Variants in GLIS3 observed in about 807,000 individuals in gnomAD.
The protein encoded by GLIS3 is zinc finger protein GLIS3.
In GLIS3, 53 loss-of-function variants were observed where a neutral mutation model predicts 78.6. That is an observed-to-expected ratio of 0.67 (90% CI 0.54 to 0.85). The LOEUF (loss-of-function observed/expected upper bound fraction) is 0.85. Ranked by LOEUF, GLIS3 falls within the 40% of genes least tolerant of loss-of-function variation. The pLI is 0.00. For missense variants in GLIS3, 1,703 were observed against 1,231.1 expected, an observed-to-expected ratio of 1.38 and a Z score of -5.74; for synonymous variants, 684 against 509.9, an observed-to-expected ratio of 1.34 and a Z score of -4.60.
the GLIS3 span, among the ~76,000 whole-genome samples, chr9:4,467,680 G>T: frequency 2.6e-5 from 4 of 152,152 alleles, no homozygotes; most frequent in Non-Finnish European, 5.9e-5. Flanking sequence ...AAGATGGGGA[G>T]AAACCAAAAC....
At chr9:3,838,021 G>A (rs1487262930) in intron 9 of GLIS3, among the ~76,000 whole-genome samples, 1 of 151,570 alleles carries the variant, frequency 6.6e-6, no homozygotes, top group Admixed American at 6.6e-5. Flanking sequence ...GGGTGTGTGG[G>A]AACTCCCTGC....
the GLIS3 span, among the ~76,000 whole-genome samples, chr9:4,382,777 T>G: frequency 2.0e-5 from 3 of 152,210 alleles, no homozygotes; most frequent in Admixed American, 2.0e-4. Flanking sequence ...TCAGGGCCTT[T>G]CCATTTCTCA....
Position 3,953,795 on chromosome 9 carries a change from C to CTCTCTATATATA in GLIS3, c.1711-16607_1711-16606insTATATATAGAGA, listed in dbSNP as rs1403671770. Among the ~76,000 whole-genome samples, 33 of 73,288 alleles carry CTCTCTATATATA rather than the reference C, an allele frequency of 4.5e-4. No homozygotes were observed. The Admixed American group carries it at 4.6e-3, about 10-fold the overall frequency. The allele number at this position is 73,288 out of a possible 152,430, so 48.1% of individuals were successfully genotyped here. ...TCTCTCTCTCTCTCTCTCTCTCTCT[C>CTCTCTATATATA]TATATATATATATATATATATATAT... is the stretch of plus-strand genomic sequence containing the variant. On this transcript the variant is annotated intron_variant, in intron 4 of 10. Transcript: ENST00000381971.
the GLIS3 span, among the ~76,000 whole-genome samples, chr9:4,478,237 G>C: frequency 6.6e-6 from 1 of 152,184 alleles, no homozygotes; most frequent in Non-Finnish European, 1.5e-5. Flanking sequence ...GCGTGGGAAA[G>C]GATCATGATT....
the GLIS3 span, among the ~76,000 whole-genome samples, chr9:4,408,726 C>CAAAAA: frequency 1.1e-4 from 6 of 56,716 alleles, no homozygotes; most frequent in African/African-American, 3.2e-4. Context: ...GACTCTGTCT[C>CAAAAA]AAAAAAAAAA....
chr9:4,007,108 G>A (rs925184660), intron 4 of GLIS3, among the ~76,000 whole-genome samples: 1 of 152,188 alleles, frequency 6.6e-6, no homozygotes, highest in African/African-American at 2.4e-5. Flanking sequence ...TAGAAGAAAA[G>A]ACTAATAGGA....
intron 2 of GLIS3, among the ~76,000 whole-genome samples, chr9:4,329,594 G>A (rs1312730692): frequency 6.6e-6 from 1 of 152,068 alleles, no homozygotes; most frequent in Non-Finnish European, 1.5e-5. Flanking sequence ...GCCAAGTACA[G>A]CACAACCCCA....
intron 9 of GLIS3, among the ~76,000 whole-genome samples, chr9:3,848,171 G>A (rs1475197305): frequency 6.6e-6 from 1 of 152,158 alleles, no homozygotes; most frequent in Non-Finnish European, 1.5e-5. Flanking sequence ...GAAATTTTCT[G>A]TGGGAGTGTT....
At chr9:4,098,605 G>A (rs1396066646) in intron 4 of GLIS3, among the ~76,000 whole-genome samples, 2 of 152,136 alleles carry the variant, frequency 1.3e-5, no homozygotes, top group Non-Finnish European at 2.9e-5. Context: ...CTACAACTGT[G>A]CCTTAAAACC....
the GLIS3 span, among the ~76,000 whole-genome samples, chr9:4,370,244 T>TGTCCTGG: frequency 1.3e-5 from 2 of 151,552 alleles, no homozygotes; most frequent in Non-Finnish European, 2.9e-5. Context: ...AAGTTCAAAT[T>TGTCCTGG]GTCCTGGGTT....
intron 4 of GLIS3, among the ~76,000 whole-genome samples, chr9:4,009,397 C>G (rs2130008683): frequency 6.6e-6 from 1 of 152,316 alleles, no homozygotes; most frequent in East Asian, 1.9e-4. Context: ...GTAACAGGCG[C>G]CAGCTGCCAC....
chr9:4,396,672 T>G, the GLIS3 span, among the ~76,000 whole-genome samples: 21 of 152,238 alleles, frequency 1.4e-4, no homozygotes, highest in Non-Finnish European at 2.2e-4. Flanking sequence ...TGCAATTTGA[T>G]GAGAGGTAAG....
chr9:4,489,878 G>C, the GLIS3 span, among the ~76,000 whole-genome samples: 2 of 152,222 alleles, frequency 1.3e-5, no homozygotes, highest in Non-Finnish European at 2.9e-5. Flanking sequence ...CCAGCGACTC[G>C]AAGAGGAGAA....
rs776870430 is a variant in GLIS3 at position 4,125,746 on chromosome 9, G to T, written c.584C>A (p.Pro195His). 6.2e-7 allele frequency: 1 copy of T among 1,613,262 alleles called. No homozygotes were observed. Among genetic ancestry groups the T allele is most frequent in the South Asian group, 1.1e-5 (1 of 91,050 alleles). The change falls in exon 3 of 11, where the codon CCT becomes CAT. Residue 195 changes from proline (P) to histidine (H), a missense_variant. Coordinates refer to ENST00000381971, the MANE Select transcript of GLIS3 (RefSeq NM_001042413.2). ...GTTAACTTGAGACCTGGTATCTGAA[G>T]GAGGTATATTCAGGTTGGCTGCATT... ...AMNAANLNIP[P>H]SDTRSLISRE...
At chr9:3,908,461 C>A (rs1015736027) in intron 6 of GLIS3, among the ~76,000 whole-genome samples, 2 of 152,192 alleles carry the variant, frequency 1.3e-5, no homozygotes, top group African/African-American at 4.8e-5. Flanking sequence ...CTTCAAGGAA[C>A]TATTTTAGGG....
the GLIS3 span, among the ~76,000 whole-genome samples, chr9:4,457,188 C>T: frequency 6.6e-6 from 1 of 151,898 alleles, no homozygotes; most frequent in African/African-American, 2.4e-5. Flanking sequence ...TATAGTGAGA[C>T]CCTGTCTCTA....
chr9:4,343,078 C>T (rs1331429570), intron 2 of GLIS3, among the ~76,000 whole-genome samples: 2 of 152,148 alleles, frequency 1.3e-5, no homozygotes, highest in Non-Finnish European at 2.9e-5. Context: ...GTGGCTCATG[C>T]CTACAATCCC....
chr9:3,873,299 A>C (rs187979869), intron 8 of GLIS3, among the ~76,000 whole-genome samples: 70 of 152,308 alleles, frequency 4.6e-4, no homozygotes, highest in African/African-American at 1.7e-3. Flanking sequence ...ACAAAAATAA[A>C]ACTGCAGGCC....
chr9:4,073,989 C>T (rs1465167224), intron 4 of GLIS3, among the ~76,000 whole-genome samples: 1 of 152,102 alleles, frequency 6.6e-6, no homozygotes, highest in African/African-American at 2.4e-5. Context: ...GAACTGAGAG[C>T]CAAGGTGCAA....
Sources: gnomAD v4.1 joint callset for allele counts (sites outside exome capture counted in the v4.1 genomes callset) on GRCh38, gnomAD v4.1.1 for gene constraint, MANE v1.5 for transcripts, NCBI Gene and HGNC (gene_info 2026-07-23, HGNC 2026-07-21) for gene names.